NHEJ1: variants seen among roughly 807,000 people sequenced by gnomAD.
The protein encoded by NHEJ1 is non-homologous end-joining factor 1.
In NHEJ1, 22 loss-of-function variants were observed where a neutral mutation model predicts 39.4. The observed-to-expected ratio is 0.56, with a 90% confidence interval of 0.40 to 0.80. The LOEUF (loss-of-function observed/expected upper bound fraction) is 0.80. Among genes scored for constraint, NHEJ1 ranks in the 30% least tolerant of loss-of-function variants. The pLI, the probability that NHEJ1 is intolerant of heterozygous loss-of-function variation, is 0.00. For missense variants in NHEJ1, 329 were observed against 357.1 expected, an observed-to-expected ratio of 0.92 and a Z score of 0.63; for synonymous variants, 154 against 135.6, an observed-to-expected ratio of 1.14 and a Z score of -0.94.
intron 5 of NHEJ1, among the ~76,000 whole-genome samples, chr2:219,101,978 C>T (rs950639357): frequency 6.6e-6 from 1 of 152,148 alleles, no homozygotes; most frequent in African/African-American, 2.4e-5. Flanking sequence ...CCCGCCTCGG[C>T]TTCCCAAAGT....
chr2:219,120,241 TATATG>T (rs1453540128), intron 5 of NHEJ1, among the ~76,000 whole-genome samples: 1 of 152,124 alleles, frequency 6.6e-6, no homozygotes, highest in Non-Finnish European at 1.5e-5. Context: ...CAGCCCCTAT[TATATG>T]CCAGCCACAA....
intron 5 of NHEJ1, among the ~76,000 whole-genome samples, chr2:219,145,887 G>A (rs958161550): frequency 6.7e-6 from 1 of 148,388 alleles, no homozygotes; most frequent in Non-Finnish European, 1.5e-5. Flanking sequence ...AGCCGAGATC[G>A]CACCATTGCA....
At chr2:219,113,267 C>T (rs1310489776) in intron 5 of NHEJ1, among the ~76,000 whole-genome samples, 6 of 152,020 alleles carry the variant, frequency 3.9e-5, no homozygotes, top group Non-Finnish European at 5.9e-5. Flanking sequence ...GAATTTCCAA[C>T]GCTGCAGTCT....
chr2:219,147,197 A>G (rs1949749071), intron 4 of NHEJ1, among the ~76,000 whole-genome samples: 1 of 152,186 alleles, frequency 6.6e-6, no homozygotes. Context: ...AGTGTCACCT[A>G]GGCCAGGCAC....
At position 219,136,705 on chromosome 2, in the gene NHEJ1, C is replaced by T. The variant is rs530805130; in HGVS notation, c.588+9975G>A. 1.9e-3 allele frequency among the ~76,000 whole-genome samples: 293 copies of T among 152,118 alleles called. 2 individuals carry two copies. Among genetic ancestry groups the T allele is most frequent in the African/African-American group, 6.7e-3 (279 of 41,506 alleles). ...GCAACCTCTGCCTCCGAGATTCAAG[C>T]GATTCTCCTGCTTCAGCCTCCTGAG... is the stretch of plus-strand genomic sequence containing the variant. On this transcript the variant is annotated intron_variant, in intron 5 of 7. Coordinates refer to ENST00000356853, the MANE Select transcript of NHEJ1 (RefSeq NM_024782.3).
At chr2:219,106,748 C>T (rs1428321036) in intron 5 of NHEJ1, among the ~76,000 whole-genome samples, 1 of 152,108 alleles carries the variant, frequency 6.6e-6, no homozygotes, top group Non-Finnish European at 1.5e-5. Context: ...CCCAAAAAAC[C>T]CACAGATTCA....
intron 5 of NHEJ1, among the ~76,000 whole-genome samples, chr2:219,100,447 CAAA>C (rs56196554): frequency 1.5e-5 from 2 of 134,000 alleles, no homozygotes; most frequent in Non-Finnish European, 3.1e-5. Flanking sequence ...TACTAAAATG[CAAA>C]AAAAAAAAAA....
chr2:219,117,899 A>C (rs1320575682), intron 5 of NHEJ1, among the ~76,000 whole-genome samples: 1 of 152,240 alleles, frequency 6.6e-6, no homozygotes. Context: ...AAAAAGTTGT[A>C]GCTATTACTG....
rs539452466 is a variant in NHEJ1, at chr2:219,072,906, T to C, written c.*3475A>G. On this transcript the variant is annotated 3_prime_UTR_variant, in exon 8 of 8. Transcript: ENST00000356853. Reference sequence around the variant, plus strand: ...AACCAGGAGGAGCAGCACAGCCTTTTCCATTCCCCACTCCTCCCGCCAGCT... The same window carrying C: ...AACCAGGAGGAGCAGCACAGCCTTTCCCATTCCCCACTCCTCCCGCCAGCT... 2.0e-5 allele frequency among the ~76,000 whole-genome samples: 3 copies of C among 152,300 alleles called. 1 individual carries two copies. In the East Asian group the frequency reaches 5.8e-4, roughly 29 times the overall value.
intron 5 of NHEJ1, among the ~76,000 whole-genome samples, chr2:219,099,212 C>T (rs184342937): frequency 2.6e-5 from 4 of 152,226 alleles, no homozygotes; most frequent in African/African-American, 9.6e-5. Context: ...AGCTTCTCAA[C>T]AGTGGCACTA....
At chr2:219,079,328 G>A (rs1436096333) in intron 5 of NHEJ1, among the ~76,000 whole-genome samples, 1 of 152,158 alleles carries the variant, frequency 6.6e-6, no homozygotes, top group Non-Finnish European at 1.5e-5. Flanking sequence ...GCTCACATGA[G>A]AACCAACCCA....
At chr2:219,154,941 A>G (rs1387246483) in intron 3 of NHEJ1, among the ~76,000 whole-genome samples, 1 of 147,106 alleles carries the variant, frequency 6.8e-6, no homozygotes, top group Non-Finnish European at 1.5e-5. Context: ...ATAACATATA[A>G]TATATGTTAA....
chr2:219,160,117 C>T (rs1949916507), intron 1 of NHEJ1, among the ~76,000 whole-genome samples: 1 of 152,202 alleles, frequency 6.6e-6, no homozygotes, highest in African/African-American at 2.4e-5. Flanking sequence ...TAACGAGATT[C>T]ACGGGTTTAT....
chr2:219,100,288 G>C (rs1440249925), intron 5 of NHEJ1, among the ~76,000 whole-genome samples: 1 of 152,076 alleles, frequency 6.6e-6, no homozygotes, highest in Non-Finnish European at 1.5e-5. Context: ...GAAGGTCCAG[G>C]AGCTAAGGAA....
chr2:219,139,937 C>T (rs1418891925), intron 5 of NHEJ1, among the ~76,000 whole-genome samples: 3 of 152,232 alleles, frequency 2.0e-5, no homozygotes, highest in Admixed American at 6.5e-5. Flanking sequence ...CCTTGGCCTC[C>T]CAAAGTGCTG....
chr2:219,125,235 A>C (rs1280403343), intron 5 of NHEJ1, among the ~76,000 whole-genome samples: 1 of 152,192 alleles, frequency 6.6e-6, no homozygotes, highest in Non-Finnish European at 1.5e-5. Context: ...AAAGAGAAGC[A>C]ACGCAGCTTG....
At chr2:219,155,966 C>G (rs6749790) in intron 3 of NHEJ1, among the ~76,000 whole-genome samples, 76,046 of 150,132 alleles carry the variant, frequency 0.51, 21,464 homozygotes, top group Non-Finnish European at 0.64. Context: ...AAATAAGCAT[C>G]AGGCCGGGTG....
intron 5 of NHEJ1, among the ~76,000 whole-genome samples, chr2:219,145,738 G>C (rs1301992444): frequency 6.6e-6 from 1 of 152,080 alleles, no homozygotes; most frequent in Non-Finnish European, 1.5e-5. Context: ...TTCCAGACCA[G>C]CCTGACCAAC....
chr2:219,132,494 A>G (rs1009771073), intron 5 of NHEJ1, among the ~76,000 whole-genome samples: 16 of 152,188 alleles, frequency 1.1e-4, no homozygotes, highest in African/African-American at 3.9e-4. Context: ...CTTTACCCAT[A>G]TCAAATTAGA....
Sources: gnomAD v4.1 joint callset for allele counts (sites outside exome capture counted in the v4.1 genomes callset) on GRCh38, gnomAD v4.1.1 for gene constraint, MANE v1.5 for transcripts, NCBI Gene and HGNC (gene_info 2026-07-23, HGNC 2026-07-21) for gene names.